Variants in PHEX observed in about 807,000 individuals in gnomAD.
PHEX encodes the protein phosphate-regulating neutral endopeptidase PHEX.
A neutral mutation model predicts 68.0 loss-of-function variants in PHEX; 16 were observed. That is an observed-to-expected ratio of 0.24 (90% CI 0.16 to 0.36). The LOEUF (loss-of-function observed/expected upper bound fraction) is 0.36, where lower values mean the gene tolerates loss of function less well. Ranked by LOEUF, PHEX falls within the 10% of genes least tolerant of loss-of-function variation. PHEX has a pLI of 1.00. For missense variants in PHEX, 480 were observed against 575.5 expected (o/e 0.83, Z 1.70); for synonymous variants, 208 against 205.1 (o/e 1.01, Z -0.12).
chrX:22,127,368 A>G (rs913562599), intron 11 of PHEX, among the ~76,000 whole-genome samples: 1 of 111,242 alleles, frequency 9.0e-6, no homozygotes, highest in Non-Finnish European at 1.9e-5. Context: ...TATTAATGTT[A>G]TATGCTGCCT....
chrX:22,135,034 G>A (rs1340492918), intron 12 of PHEX, among the ~76,000 whole-genome samples: 1 of 112,434 alleles, frequency 8.9e-6, no homozygotes, highest in African/African-American at 3.2e-5. Flanking sequence ...TAAACTCATG[G>A]TACTGGAGAT....
At chrX:22,222,702 A>C (rs935153390) in intron 18 of PHEX, among the ~76,000 whole-genome samples, 1 of 112,141 alleles carries the variant, frequency 8.9e-6, no homozygotes, top group Non-Finnish European at 1.9e-5. Context: ...AAGGGAATTT[A>C]TATTTCCTGA....
At chrX:22,101,449 G>A (rs1930420576) in intron 9 of PHEX, among the ~76,000 whole-genome samples, 1 of 112,070 alleles carries the variant, frequency 8.9e-6, no homozygotes, top group Non-Finnish European at 1.9e-5. Context: ...TATTGGTCAG[G>A]ATATGCCAGT....
rs963171982 is a variant in PHEX at position 22,055,637 on chromosome X, C to G, written c.349+8426C>G. 3.6e-5 allele frequency among the ~76,000 whole-genome samples: 4 copies of G among 111,371 alleles called. No individual in the cohort carries two copies. The Admixed American group carries it at 3.8e-4, about 11-fold the overall frequency. ...AGTGCACTGGCACGATCTCGGCTCA[C>G]CGCAACCTCTGCCTCCCGGGTTCAA... On this transcript the variant is annotated intron_variant, in intron 3 of 21. Transcript: ENST00000379374.
intron 11 of PHEX, among the ~76,000 whole-genome samples, chrX:22,117,823 TTG>T (rs1288136546): frequency 9.0e-6 from 1 of 111,106 alleles, no homozygotes; most frequent in African/African-American, 3.3e-5. Flanking sequence ...TTTGCCTCCC[TTG>T]TGCTGAAGCT....
intron 11 of PHEX, among the ~76,000 whole-genome samples, chrX:22,125,174 A>G (rs181620599): frequency 3.5e-3 from 386 of 111,848 alleles, no homozygotes; most frequent in Non-Finnish European, 5.7e-3. Context: ...CCAGAAAGAA[A>G]ATTTTAAGAG....
At chrX:22,234,063 T>C (rs1935870636) in intron 20 of PHEX, among the ~76,000 whole-genome samples, 1 of 112,854 alleles carries the variant, frequency 8.9e-6, no homozygotes, top group African/African-American at 3.2e-5. Flanking sequence ...GCTCCTCTGC[T>C]GCAGGTCTGC....
intron 5 of PHEX, among the ~76,000 whole-genome samples, chrX:22,087,408 G>A (rs1222700289): frequency 9.0e-6 from 1 of 111,542 alleles, no homozygotes; most frequent in Non-Finnish European, 1.9e-5. Flanking sequence ...AGAGAGGGTT[G>A]AACAAAATAA....
At chrX:22,082,670 C>T (rs184093786) in intron 5 of PHEX, among the ~76,000 whole-genome samples, 213 of 112,223 alleles carry the variant, frequency 1.9e-3, no homozygotes, top group African/African-American at 6.6e-3. Flanking sequence ...TCTGTTTATT[C>T]TGTTGATAGC....
rs1361264728 is a variant in PHEX, at chrX:22,141,582, C to CA, written c.1404+7969dup. Reference sequence around the variant, plus strand: ...CCTAAACTTGGCATTAAAAAACAAACAAAAAAAAAAACCCTCATCCCAGAA... The same window carrying CA: ...CCTAAACTTGGCATTAAAAAACAAACAAAAAAAAAAAACCCTCATCCCAGAA... On this transcript the variant is annotated intron_variant, in intron 12 of 21. Coordinates refer to ENST00000379374, the MANE Select transcript of PHEX (RefSeq NM_000444.6). 4.2e-3 allele frequency among the ~76,000 whole-genome samples: 415 copies of CA among 99,939 alleles called. 1 individual carries two copies. Among genetic ancestry groups the CA allele is most frequent in the African/African-American group, 0.01 (287 of 27,667 alleles). 86.8% of individuals were successfully genotyped at this position (99,939 alleles called of 115,157 possible).
At chrX:22,138,972 C>T (rs192826241) in intron 12 of PHEX, among the ~76,000 whole-genome samples, 25 of 111,747 alleles carry the variant, frequency 2.2e-4, no homozygotes, top group African/African-American at 7.5e-4. Context: ...ATACTTGTAT[C>T]TCTTTCCTCT....
chrX:22,110,435 CT>C (rs969878652), intron 9 of PHEX, among the ~76,000 whole-genome samples: 5 of 111,550 alleles, frequency 4.5e-5, no homozygotes, highest in Admixed American at 9.5e-5. Flanking sequence ...TAGACATATT[CT>C]TTTTTTTATC....
chrX:22,117,486 T>A (rs1931284088), intron 11 of PHEX, among the ~76,000 whole-genome samples: 1 of 111,787 alleles, frequency 8.9e-6, no homozygotes, highest in Non-Finnish European at 1.9e-5. Flanking sequence ...TCTTTTGCTC[T>A]TTGGTCAGAG....
At chrX:22,068,024 G>C (rs768975737) in intron 3 of PHEX, among the ~76,000 whole-genome samples, 7 of 109,923 alleles carry the variant, frequency 6.4e-5, no homozygotes, top group African/African-American at 2.3e-4. Flanking sequence ...TTTTAGTAGA[G>C]ATGGGGTTTT....
At chrX:22,168,418 T>C (rs1255200257) in intron 13 of PHEX, 29 bp downstream of exon 13, 2 of 1,001,458 alleles carry the variant, frequency 2.0e-6, no homozygotes, top group Non-Finnish European at 2.8e-6. Context: ...GTACTTTTTT[T>C]TTTCTGGCAA....
intron 15 of PHEX, among the ~76,000 whole-genome samples, chrX:22,212,130 A>G (rs1934947511): frequency 8.9e-6 from 1 of 111,965 alleles, no homozygotes; most frequent in South Asian, 3.7e-4. Flanking sequence ...AAGAAAGGTT[A>G]TGACAGGATT....
At chrX:22,186,077 TAC>T (rs1569421911) in intron 14 of PHEX, among the ~76,000 whole-genome samples, 1 of 111,673 alleles carries the variant, frequency 9.0e-6, no homozygotes, top group Non-Finnish European at 1.9e-5. Flanking sequence ...TTCATGTAGT[TAC>T]AGTCAGATAG....
chrX:22,178,524 A>G (rs1254271729), intron 14 of PHEX, 148 bp downstream of exon 14: 4 of 363,708 alleles, frequency 1.1e-5, no homozygotes, highest in Admixed American at 4.3e-5. Flanking sequence ...TGTTTTGCCA[A>G]CTCTTATTTT....
chrX:22,149,344 G>A (rs149879660), intron 12 of PHEX, among the ~76,000 whole-genome samples: 8 of 112,563 alleles, frequency 7.1e-5, no homozygotes, highest in Admixed American at 6.6e-4. Context: ...CAGTGAGATT[G>A]TGTCCTTCAG....
Sources: allele counts gnomAD v4.1 joint callset (sites outside exome capture counted in the v4.1 genomes callset), GRCh38; gene constraint gnomAD v4.1.1; transcripts MANE v1.5; gene names NCBI Gene and HGNC (gene_info 2026-07-23, HGNC 2026-07-21).